The following SMYD3 variants were observed in gnomAD, a reference collection of about 807,000 sequenced individuals.
SMYD3 encodes SET and MYND domain containing 3, also known as histone-lysine N-methyltransferase SMYD3.
A neutral mutation model predicts 57.7 loss-of-function variants in SMYD3; 36 were observed. That is an observed-to-expected ratio of 0.62 (90% CI 0.48 to 0.82). SMYD3 has a LOEUF of 0.82. Ranked by LOEUF, SMYD3 falls within the 40% of genes least tolerant of loss-of-function variation. The probability of loss-of-function intolerance (pLI) is 0.00; values close to 1 mark genes in which losing one functional copy is unlikely to be tolerated. For synonymous variants in SMYD3, 211 were observed against 195.0 expected (o/e 1.08, Z -0.68); for missense variants, 515 against 538.8 (o/e 0.96, Z 0.44).
At chr1:246,493,690 C>A (rs2068306461) in intron 1 of SMYD3, among the ~76,000 whole-genome samples, 1 of 151,906 alleles carries the variant, frequency 6.6e-6, no homozygotes, top group South Asian at 2.1e-4. Flanking sequence ...CAGCACTCAC[C>A]CTTCACCACA....
At chr1:245,915,852 T>C (rs966427667) in intron 7 of SMYD3, among the ~76,000 whole-genome samples, 12 of 152,222 alleles carry the variant, frequency 7.9e-5, no homozygotes, top group African/African-American at 2.9e-4. Flanking sequence ...ATGTGGTAAA[T>C]ATATATGTAT....
At chr1:245,816,678 T>C (rs542663465) in intron 10 of SMYD3, among the ~76,000 whole-genome samples, 3 of 151,460 alleles carry the variant, frequency 2.0e-5, no homozygotes, top group Non-Finnish European at 2.9e-5. Context: ...TGGGCACAGG[T>C]CAGTGGGTGC....
intron 1 of SMYD3, among the ~76,000 whole-genome samples, chr1:246,364,144 G>C (rs1281599525): frequency 1.3e-5 from 2 of 151,026 alleles, no homozygotes; most frequent in African/African-American, 2.4e-5. Flanking sequence ...GCCAACATCT[G>C]GATTTTAGTC....
rs527697232 is a variant in SMYD3 at position 246,401,845 on chromosome 1, C to G, written c.165-46751G>C. ...CCAAGCGATTCACCTGCCTCAGCCT[C>G]CCGAGTAGCTGGGATTACAGGCATG... On this transcript the variant is annotated intron_variant, in intron 1 of 11. Coordinates refer to ENST00000490107, the MANE Select transcript of SMYD3 (RefSeq NM_001167740.2). Among the ~76,000 whole-genome samples, 5 of 151,910 alleles carry G rather than the reference C, an allele frequency of 3.3e-5. No homozygotes were observed. The East Asian group carries it at 9.8e-4, about 30-fold the overall frequency.
intron 11 of SMYD3, among the ~76,000 whole-genome samples, chr1:245,758,173 A>G (rs1355994268): frequency 6.6e-6 from 1 of 152,058 alleles, no homozygotes; most frequent in Non-Finnish European, 1.5e-5. Context: ...TATTCTCTTA[A>G]TTTTGTTTTT....
intron 2 of SMYD3, among the ~76,000 whole-genome samples, chr1:246,345,867 G>C (rs2065705041): frequency 6.6e-6 from 1 of 152,098 alleles, no homozygotes; most frequent in Non-Finnish European, 1.5e-5. Context: ...GGCAAACAGA[G>C]ACCACCCTTA....
intron 5 of SMYD3, among the ~76,000 whole-genome samples, chr1:246,048,779 CA>C (rs60102397): frequency 1.7e-3 from 231 of 136,626 alleles, no homozygotes; most frequent in Middle Eastern, 7.5e-3. Context: ...GTATTTAAAG[CA>C]AAAAAAAAAA....
At chr1:246,248,156 T>C (rs2063739793) in intron 5 of SMYD3, among the ~76,000 whole-genome samples, 1 of 152,160 alleles carries the variant, frequency 6.6e-6, no homozygotes, top group Non-Finnish European at 1.5e-5. Flanking sequence ...GAGGAAATTG[T>C]TTCATAAAAC....
At chr1:246,477,182 A>C (rs988898417) in intron 1 of SMYD3, among the ~76,000 whole-genome samples, 1 of 152,220 alleles carries the variant, frequency 6.6e-6, no homozygotes, top group African/African-American at 2.4e-5. Context: ...ACTTTCTTGC[A>C]CACTCCCTTT....
rs377621858 is a variant in SMYD3 at position 246,086,710 on chromosome 1, T to C, written c.532-156773A>G. The stretch of plus-strand genomic sequence containing the variant: ...CCTAAAATGCCAAATTTTCTTTTTT[T>C]TTAATTTTTTTAATTTTTATTTTTA... On this transcript the variant is annotated intron_variant, in intron 5 of 11. Coordinates refer to ENST00000490107, the MANE Select transcript of SMYD3 (RefSeq NM_001167740.2). 1.6e-4 allele frequency among the ~76,000 whole-genome samples: 24 copies of C among 152,094 alleles called. No individual in the cohort carries two copies. In the East Asian group the frequency reaches 1.9e-3, roughly 12 times the overall value.
At chr1:246,390,285 G>C (rs1048926361) in intron 1 of SMYD3, among the ~76,000 whole-genome samples, 2 of 146,122 alleles carry the variant, frequency 1.4e-5, no homozygotes, top group Non-Finnish European at 3.0e-5. Flanking sequence ...TTGATATGTA[G>C]GTAAATATAA....
intron 1 of SMYD3, among the ~76,000 whole-genome samples, chr1:246,367,957 G>A (rs1304524564): frequency 1.3e-5 from 2 of 152,108 alleles, no homozygotes; most frequent in Non-Finnish European, 2.9e-5. Context: ...CCTGACTCTA[G>A]AGAACGGAGT....
chr1:245,863,822 A>AT lies in SMYD3; in HGVS notation c.877dup (p.Ile293AsnfsTer2). The stretch of plus-strand genomic sequence containing the variant: ...ACTCCAGTGTGCCTTCAGTTCTTCA[A>AT]TTTTTTTCAGGGATTCTTGAACTTC... On this transcript the variant is annotated frameshift_variant, in exon 9 of 12. Coordinates refer to ENST00000490107, the MANE Select transcript of SMYD3 (RefSeq NM_001167740.2). LOFTEE classifies it high-confidence loss of function. 7 of 1,614,016 alleles carry AT rather than the reference A, an allele frequency of 4.3e-6. No homozygotes were observed. The highest frequency in any genetic ancestry group is 5.9e-6 in the Non-Finnish European group (7 of 1,179,946).
At chr1:246,045,094 C>T (rs1440519764) in intron 5 of SMYD3, among the ~76,000 whole-genome samples, 3 of 152,190 alleles carry the variant, frequency 2.0e-5, no homozygotes, top group Non-Finnish European at 4.4e-5. Flanking sequence ...CCCCATCAAG[C>T]TACCAATGAC....
intron 5 of SMYD3, among the ~76,000 whole-genome samples, chr1:246,188,240 C>T (rs1315110075): frequency 6.6e-6 from 1 of 152,074 alleles, no homozygotes; most frequent in African/African-American, 2.4e-5. Context: ...TCATCCAGCA[C>T]GTCCTGGCCT....
intron 5 of SMYD3, among the ~76,000 whole-genome samples, chr1:246,246,554 G>A (rs1037965949): frequency 6.6e-6 from 1 of 152,168 alleles, no homozygotes; most frequent in South Asian, 2.1e-4. Flanking sequence ...TCTGGGTTAT[G>A]TATGCATTTG....
At chr1:245,983,481 CA>C (rs968318153) in intron 5 of SMYD3, among the ~76,000 whole-genome samples, 3 of 152,194 alleles carry the variant, frequency 2.0e-5, no homozygotes, top group South Asian at 2.1e-4. Flanking sequence ...CCCTGGGACC[CA>C]CGACCAGATG....
intron 5 of SMYD3, among the ~76,000 whole-genome samples, chr1:246,243,290 T>C (rs1275093938): frequency 6.7e-6 from 1 of 150,172 alleles, no homozygotes; most frequent in East Asian, 2.1e-4. Context: ...TTTTGTCACT[T>C]ATTTTTTCCC....
At chr1:245,772,781 AC>A (rs772156164) in intron 10 of SMYD3, among the ~76,000 whole-genome samples, 2 of 152,220 alleles carry the variant, frequency 1.3e-5, no homozygotes, top group Non-Finnish European at 2.9e-5. Flanking sequence ...AATAAAAGAG[AC>A]TTTCAATTAT....
Sources: allele counts gnomAD v4.1 joint callset (sites outside exome capture counted in the v4.1 genomes callset), GRCh38; gene constraint gnomAD v4.1.1; transcripts MANE v1.5; gene names NCBI Gene and HGNC (gene_info 2026-07-23, HGNC 2026-07-21).